Variants in AK7 observed in about 807,000 individuals in gnomAD.
The protein encoded by AK7 is adenylate kinase 7.
A neutral mutation model predicts 96.6 loss-of-function variants in AK7; 78 were observed. The observed-to-expected ratio is 0.81, with a 90% CI of 0.67 to 0.97. The LOEUF (loss-of-function observed/expected upper bound fraction) is 0.97, where lower values mean the gene tolerates loss of function less well. Ranked by LOEUF, AK7 falls within the 50% of genes least tolerant of loss-of-function variation. The pLI, the probability that AK7 is intolerant of heterozygous loss-of-function variation, is 0.00. For missense variants in AK7, 855 were observed against 887.9 expected (o/e 0.96, Z 0.47); for synonymous variants, 302 against 317.2 (o/e 0.95, Z 0.51).
intron 15 of AK7, among the ~76,000 whole-genome samples, chr14:96,479,640 G>A (rs1005528825): frequency 7.2e-5 from 11 of 152,102 alleles, no homozygotes; most frequent in African/African-American, 2.4e-4. Flanking sequence ...TCATGATCCC[G>A]CATCACGTCA....
chr14:96,410,881 G>A (rs1195621497), intron 4 of AK7, among the ~76,000 whole-genome samples: 17 of 152,076 alleles, frequency 1.1e-4, no homozygotes, highest in Admixed American at 1.1e-3. Flanking sequence ...CAAACCTGTA[G>A]TTTTAGCTAC....
chr14:96,447,052 T>G (rs538078652), intron 8 of AK7, among the ~76,000 whole-genome samples: 1 of 152,334 alleles, frequency 6.6e-6, no homozygotes, highest in Non-Finnish European at 1.5e-5. Flanking sequence ...AAACCCAAAC[T>G]CACTATCTGC....
chr14:96,423,556 C>T (rs1891835890), intron 5 of AK7: 2 of 481,578 alleles, frequency 4.2e-6, no homozygotes, highest in Non-Finnish European at 8.0e-6. Flanking sequence ...GAAAAGTCAC[C>T]CTAAGCCACC....
At chr14:96,420,982 C>T (rs1387085800) in intron 5 of AK7, 50 bp downstream of exon 5, 3 of 1,307,238 alleles carry the variant, frequency 2.3e-6, no homozygotes, top group Admixed American at 3.6e-5. Flanking sequence ...CTTTAAACAT[C>T]TCTTTGTGTG....
intron 8 of AK7, 75 bp from the exon 9 acceptor site, chr14:96,449,727 C>T (rs1000924185): frequency 8.8e-7 from 1 of 1,132,322 alleles, no homozygotes; most frequent in South Asian, 1.3e-5. Flanking sequence ...AGCCACTGCG[C>T]CTGGCCCATT....
intron 4 of AK7, among the ~76,000 whole-genome samples, chr14:96,414,127 T>C (rs1891192808): frequency 6.6e-6 from 1 of 152,246 alleles, no homozygotes; most frequent in Non-Finnish European, 1.5e-5. Flanking sequence ...GTGTTGCTGA[T>C]GATCAAGTCA....
At chr14:96,407,624 T>C (rs1403507389) in intron 3 of AK7, among the ~76,000 whole-genome samples, 91 of 144,754 alleles carry the variant, frequency 6.3e-4, no homozygotes, top group Non-Finnish European at 9.4e-4. Flanking sequence ...CTCTGTTGCC[T>C]AGGCTGGAGT....
chr14:96,447,225 A>G (rs80242551), intron 8 of AK7, among the ~76,000 whole-genome samples: 2,094 of 152,342 alleles, frequency 0.014, 19 homozygotes, highest in Middle Eastern at 0.027. Flanking sequence ...AAATCCGCCA[A>G]TAGGCACTTG....
intron 5 of AK7, chr14:96,423,783 C>T (rs1242296188): frequency 1.2e-5 from 9 of 741,390 alleles, no homozygotes; most frequent in East Asian, 2.7e-5. Flanking sequence ...ACCCCGAGCG[C>T]GTACTTTTTA....
chr14:96,435,897 G>A (rs1182345007), intron 5 of AK7, among the ~76,000 whole-genome samples: 1 of 146,126 alleles, frequency 6.8e-6, no homozygotes, highest in Non-Finnish European at 1.6e-5. Context: ...TCCTGCTGGT[G>A]AGGGTGGGTG....
At chr14:96,394,036 G>C (rs1889909419) in intron 1 of AK7, among the ~76,000 whole-genome samples, 1 of 152,052 alleles carries the variant, frequency 6.6e-6, no homozygotes, top group South Asian at 2.1e-4. Flanking sequence ...TTGAACCCAG[G>C]GGGCGGAGGT....
At chr14:96,426,632 G>T (rs1892044552) in intron 5 of AK7, among the ~76,000 whole-genome samples, 1 of 152,042 alleles carries the variant, frequency 6.6e-6, no homozygotes. Context: ...TGTTTGTCTG[G>T]GAAAGTATTT....
chr14:96,393,573 C>T (rs549107685), intron 1 of AK7, among the ~76,000 whole-genome samples: 129 of 152,256 alleles, frequency 8.5e-4, no homozygotes, highest in Middle Eastern at 3.4e-3. Context: ...GCAGTAGACT[C>T]CAATCTCTGC....
intron 1 of AK7, among the ~76,000 whole-genome samples, chr14:96,392,783 C>CCT (rs1414007150): frequency 6.6e-6 from 1 of 152,134 alleles, no homozygotes; most frequent in African/African-American, 2.4e-5. Flanking sequence ...CCTGCCTCAG[C>CCT]CTCCGAGTAG....
chr14:96,426,678 A>G (rs534922765), intron 5 of AK7, among the ~76,000 whole-genome samples: 2 of 152,288 alleles, frequency 1.3e-5, no homozygotes, highest in East Asian at 3.9e-4. Context: ...CACCAGATAT[A>G]CTATTCTAGG....
intron 4 of AK7, among the ~76,000 whole-genome samples, chr14:96,420,109 G>T (rs151144744): frequency 3.3e-5 from 5 of 151,504 alleles, no homozygotes; most frequent in African/African-American, 9.7e-5. Context: ...CAGGTAATCC[G>T]CCCACCTTGG....
chr14:96,451,646 G>A (rs1277262939), intron 10 of AK7, 76 bp downstream of exon 10: 28 of 1,300,690 alleles, frequency 2.2e-5, no homozygotes, highest in Admixed American at 2.1e-4. Flanking sequence ...TGATGCCAAC[G>A]GAAGTATTTG....
Position 96,462,290 on chromosome 14 carries a change from G to A in AK7, c.1357+4078G>A, listed in dbSNP as rs115004451. 5.6e-3 allele frequency among the ~76,000 whole-genome samples: 854 copies of A among 152,232 alleles called. 19 individuals carry two copies. The highest frequency in any genetic ancestry group is 0.019 in the African/African-American group (803 of 41,540). On this transcript the variant is annotated intron_variant, in intron 12 of 17. Coordinates refer to ENST00000267584, the MANE Select transcript of AK7 (RefSeq NM_152327.5). ...ACTTCCTACAAGATTGGAATCATTC[G>A]GTTCCTTTTAACTTTCTCAAGTGTG...
At position 96,459,694 on chromosome 14, in the gene AK7, A is replaced by G. The variant is rs530979329; in HGVS notation, c.1357+1482A>G. On this transcript the variant is annotated intron_variant, in intron 12 of 17. Coordinates refer to ENST00000267584, the MANE Select transcript of AK7 (RefSeq NM_152327.5). The stretch of plus-strand genomic sequence containing the variant: ...GGAGTTCAAGACCAGCCTGGCCAAG[A>G]TGATGAAACCCGTCTCTACTAAAAC... Among the ~76,000 whole-genome samples the G allele has an allele frequency of 2.2e-4, 33 of 152,046 alleles. No individual in the cohort carries two copies. In the Middle Eastern group the frequency reaches 0.014, roughly 63 times the overall value.
Sources: allele counts gnomAD v4.1 joint callset (sites outside exome capture counted in the v4.1 genomes callset), GRCh38; gene constraint gnomAD v4.1.1; transcripts MANE v1.5; gene names NCBI Gene and HGNC (gene_info 2026-07-23, HGNC 2026-07-21).